Variants in STK39 observed in about 807,000 individuals in gnomAD.
STK39 encodes the protein STE20/SPS1-related proline-alanine-rich protein kinase.
STK39 carries 20 observed loss-of-function variants against 77.8 expected under a neutral mutation model. The ratio of observed to expected loss-of-function variants is 0.26; its 90% CI spans 0.18 to 0.37. STK39 has a LOEUF of 0.37. Among genes scored for constraint, STK39 ranks in the 10% least tolerant of loss-of-function variants. STK39 has a pLI of 1.00. For missense variants in STK39, 479 were observed against 656.5 expected, an observed-to-expected ratio of 0.73 and a Z score of 2.95; for synonymous variants, 246 against 234.1, an observed-to-expected ratio of 1.05 and a Z score of -0.47.
At chr2:168,105,564 C>G (rs1457031890) in intron 10 of STK39, among the ~76,000 whole-genome samples, 3 of 152,186 alleles carry the variant, frequency 2.0e-5, no homozygotes, top group Non-Finnish European at 4.4e-5. Context: ...ATTTCAAATG[C>G]AAGCTCAGGC....
intron 8 of STK39, among the ~76,000 whole-genome samples, chr2:168,131,037 T>C (rs763738458): frequency 4.6e-5 from 7 of 152,220 alleles, no homozygotes; most frequent in African/African-American, 4.8e-5. Context: ...TGCTAAATAT[T>C]AGATAATTTT....
At chr2:167,964,109 T>C (rs1284224309) in intron 17 of STK39, among the ~76,000 whole-genome samples, 2 of 152,252 alleles carry the variant, frequency 1.3e-5, no homozygotes, top group Non-Finnish European at 2.9e-5. Context: ...GTTTACAATC[T>C]ACTAGTGCAG....
intron 10 of STK39, among the ~76,000 whole-genome samples, chr2:168,128,537 C>G (rs936673647): frequency 9.2e-5 from 14 of 152,338 alleles, no homozygotes; most frequent in Middle Eastern, 3.4e-3. Context: ...CCAGCCCACC[C>G]CACATAATTC....
At chr2:168,119,652 CTT>C (rs1457856280) in intron 10 of STK39, among the ~76,000 whole-genome samples, 21 of 152,156 alleles carry the variant, frequency 1.4e-4, no homozygotes. Context: ...AAAGCCAAAA[CTT>C]TTGCTCAGTT....
At position 168,226,872 on chromosome 2, in the gene STK39, T is replaced by A. The variant is rs530749239; in HGVS notation, c.208+20356A>T. Among the ~76,000 whole-genome samples the A allele has an allele frequency of 2.1e-4, 32 of 152,216 alleles. No individual in the cohort carries two copies. In the South Asian group the frequency reaches 6.6e-3, roughly 32 times the overall value. On this transcript the variant is annotated intron_variant, in intron 1 of 17. Coordinates refer to ENST00000355999, the MANE Select transcript of STK39 (RefSeq NM_013233.3). ...CTGGATATCTATCCCACAGAAATAA[T>A]AAAAACTTGGAAACAATCAATAAGT...
chr2:168,048,639 T>C (rs1228142062), intron 14 of STK39, among the ~76,000 whole-genome samples: 1 of 152,174 alleles, frequency 6.6e-6, no homozygotes, highest in Non-Finnish European at 1.5e-5. Flanking sequence ...CCTGGGTAAA[T>C]GAAACCTGCT....
intron 16 of STK39, among the ~76,000 whole-genome samples, chr2:168,004,060 T>C (rs1023551404): frequency 1.3e-5 from 2 of 152,222 alleles, no homozygotes; most frequent in Non-Finnish European, 2.9e-5. Context: ...TCTAACCATA[T>C]GCTCATGACT....
intron 8 of STK39, among the ~76,000 whole-genome samples, chr2:168,132,216 GA>G (rs1277689418): frequency 1.3e-5 from 2 of 152,034 alleles, no homozygotes; most frequent in African/African-American, 4.8e-5. Context: ...TTTTTAATGT[GA>G]AAAGAACCCT....
intron 1 of STK39, among the ~76,000 whole-genome samples, chr2:168,235,965 T>C (rs1267039394): frequency 1.3e-5 from 2 of 152,108 alleles, no homozygotes; most frequent in African/African-American, 4.8e-5. Context: ...TTTGGGTATA[T>C]ACCCAGTAAT....
At chr2:168,169,662 A>G (rs908077464) in intron 2 of STK39, among the ~76,000 whole-genome samples, 2 of 96,034 alleles carry the variant, frequency 2.1e-5, no homozygotes, top group African/African-American at 6.6e-5. Flanking sequence ...GTGTGTGTGT[A>G]ACTCCTTTAG....
intron 14 of STK39, among the ~76,000 whole-genome samples, chr2:168,056,864 G>T (rs1685540013): frequency 6.6e-6 from 1 of 152,182 alleles, no homozygotes; most frequent in Non-Finnish European, 1.5e-5. Flanking sequence ...ATGGTTTAGA[G>T]AATAGCTTGT....
intron 14 of STK39, among the ~76,000 whole-genome samples, chr2:168,032,314 C>T (rs1308795305): frequency 1.3e-5 from 2 of 152,144 alleles, no homozygotes; most frequent in Admixed American, 6.5e-5. Flanking sequence ...TGATTAGAGC[C>T]ATAACTCACA....
At chr2:168,236,906 G>C (rs978039331) in intron 1 of STK39, among the ~76,000 whole-genome samples, 2 of 151,982 alleles carry the variant, frequency 1.3e-5, no homozygotes, top group African/African-American at 4.8e-5. Flanking sequence ...TTGTTCTTTT[G>C]TCTTAGGATT....
intron 16 of STK39, among the ~76,000 whole-genome samples, chr2:167,979,380 C>T (rs953451925): frequency 6.6e-6 from 1 of 152,176 alleles, no homozygotes; most frequent in African/African-American, 2.4e-5. Flanking sequence ...ATTCTAATAA[C>T]TCTGTTGTGG....
At chr2:167,995,470 T>C (rs1025630995) in intron 16 of STK39, among the ~76,000 whole-genome samples, 1 of 152,166 alleles carries the variant, frequency 6.6e-6, no homozygotes, top group Admixed American at 6.6e-5. Flanking sequence ...CAAAACAGTG[T>C]ATCCAAAATT....
Position 168,247,489 on chromosome 2 carries a change from T to A in STK39, c.-54A>T. 8.1e-7 allele frequency: 1 copy of A among 1,240,748 alleles called. No individual in the cohort carries two copies. The highest frequency in any genetic ancestry group is 1.0e-6 in the Non-Finnish European group (1 of 976,388). 76.9% of individuals were successfully genotyped at this position (1,240,748 alleles called of 1,614,324 possible). ...GCCGGCCGACGGACGACCTTCCACT[T>A]GAAACTTCCTTTGCCTCGCCGCCGA... On this transcript the variant is annotated 5_prime_UTR_variant, in exon 1 of 18. Transcript: ENST00000355999.
chr2:168,020,635 T>C (rs1231813596), intron 14 of STK39, among the ~76,000 whole-genome samples: 1 of 150,490 alleles, frequency 6.6e-6, no homozygotes, highest in African/African-American at 2.4e-5. Flanking sequence ...ATATTATATA[T>C]AATTAAATGA....
At position 168,108,857 on chromosome 2, in the gene STK39, C is replaced by T. The variant is rs370175610; in HGVS notation, c.1089+20684G>A. The stretch of plus-strand genomic sequence containing the variant: ...ATTCCAAGGGAAGTACAAACCATCA[C>T]ACTTCATGCTTTAAGAAAAAGACAA... On this transcript the variant is annotated intron_variant, in intron 10 of 17. Transcript: ENST00000355999. 6.6e-5 allele frequency among the ~76,000 whole-genome samples: 10 copies of T among 152,308 alleles called. No individual in the cohort carries two copies. In the East Asian group the frequency reaches 1.2e-3, roughly 18 times the overall value.
chr2:168,090,293 G>GAATT (rs1686484521), intron 10 of STK39, among the ~76,000 whole-genome samples: 2 of 54,090 alleles, frequency 3.7e-5, no homozygotes, highest in South Asian at 7.9e-4. Flanking sequence ...TACATTTGTT[G>GAATT]AATGAATGAA....
Sources: allele counts gnomAD v4.1 joint callset (sites outside exome capture counted in the v4.1 genomes callset), GRCh38; gene constraint gnomAD v4.1.1; transcripts MANE v1.5; gene names NCBI Gene and HGNC (gene_info 2026-07-23, HGNC 2026-07-21).